Variants in CFAP58 observed in about 807,000 individuals in gnomAD.
CFAP58 encodes cilia and flagella associated protein 58.
In CFAP58, 88 loss-of-function variants were observed where a neutral mutation model predicts 119.5. The observed-to-expected ratio is 0.74, with a 90% CI of 0.62 to 0.88. The LOEUF (loss-of-function observed/expected upper bound fraction) is 0.88. CFAP58 is among the 40% of genes least tolerant of loss of function. The pLI is 0.00. For synonymous variants in CFAP58, 365 were observed against 366.3 expected, an observed-to-expected ratio of 1.00 and a Z score of 0.04; for missense variants, 990 against 1,021.2, an observed-to-expected ratio of 0.97 and a Z score of 0.42.
At chr10:104,451,336 C>T (rs773223678) in intron 17 of CFAP58, among the ~76,000 whole-genome samples, 3 of 152,192 alleles carry the variant, frequency 2.0e-5, no homozygotes, top group East Asian at 1.9e-4. Context: ...AATACTCCCC[C>T]GTTCCACATT....
intron 17 of CFAP58, among the ~76,000 whole-genome samples, chr10:104,451,726 G>A (rs2013197965): frequency 6.6e-6 from 1 of 152,128 alleles, no homozygotes. Context: ...CTTTGATTGT[G>A]CACCCTTATC....
Position 104,380,191 on chromosome 10 carries a change from A to G in CFAP58, c.1336A>G (p.Ile446Val). Residue 446 changes from isoleucine (I) to valine (V), a missense_variant, in exon 9 of 18, where the codon ATC becomes GTC. Ile to Val is a conservative substitution (Grantham distance 29, BLOSUM62 3). Coordinates refer to ENST00000369704, the MANE Select transcript of CFAP58 (RefSeq NM_001008723.2). The part of the protein sequence containing the change: ...FHLEKERDRY[I>V]NQASDLTQKV... ...TCTGGAAAAGGAGCGTGACCGGTAC[A>G]TCAACCAAGCCAGTGACCTTACGCA... 1 of 1,614,020 alleles carries G rather than the reference A, an allele frequency of 6.2e-7. No homozygotes were observed. Among genetic ancestry groups the G allele is most frequent in the Non-Finnish European group, 8.5e-7 (1 of 1,179,956 alleles).
intron 15 of CFAP58, among the ~76,000 whole-genome samples, chr10:104,420,340 G>T (rs2012635149): frequency 6.6e-6 from 1 of 152,122 alleles, no homozygotes; most frequent in Admixed American, 6.5e-5. Flanking sequence ...AGAGATTGGC[G>T]CTGGTAAGCT....
chr10:104,423,401 G>A (rs533530981), intron 15 of CFAP58, among the ~76,000 whole-genome samples: 1 of 152,258 alleles, frequency 6.6e-6, no homozygotes, highest in South Asian at 2.1e-4. Flanking sequence ...GCTGTAAGAG[G>A]TAAGGGAGTG....
At chr10:104,346,241 T>A in the CFAP58 span, among the ~76,000 whole-genome samples, 9 of 152,042 alleles carry the variant, frequency 5.9e-5, no homozygotes, top group Non-Finnish European at 1.0e-4. Flanking sequence ...TCATGAGGGA[T>A]CTACCCCCCA....
intron 11 of CFAP58, among the ~76,000 whole-genome samples, chr10:104,395,945 A>G (rs2012144796): frequency 6.6e-6 from 1 of 152,190 alleles, no homozygotes; most frequent in East Asian, 1.9e-4. Flanking sequence ...CATCCCCTTC[A>G]GCAGACAAAT....
intron 16 of CFAP58, among the ~76,000 whole-genome samples, chr10:104,448,930 G>A (rs529061536): frequency 5.9e-5 from 9 of 152,316 alleles, no homozygotes; most frequent in East Asian, 3.9e-4. Context: ...ACAGAGCTCC[G>A]GGTTGCCTTC....
intron 15 of CFAP58, among the ~76,000 whole-genome samples, chr10:104,445,703 G>T (rs1449710145): frequency 1.3e-5 from 2 of 152,164 alleles, no homozygotes; most frequent in African/African-American, 2.4e-5. Flanking sequence ...GTGATTCTTG[G>T]GGTATATCAT....
chr10:104,390,320 AT>A (rs1252940797), intron 9 of CFAP58, among the ~76,000 whole-genome samples: 3 of 152,198 alleles, frequency 2.0e-5, no homozygotes. Flanking sequence ...TAGAGTGATG[AT>A]TTCTACAAGG....
intron 10 of CFAP58, 132 bp from the exon 11 acceptor site, chr10:104,393,197 T>G: frequency 1.2e-6 from 1 of 805,860 alleles, no homozygotes; most frequent in Non-Finnish European, 2.0e-6. Flanking sequence ...AAAGGAATAG[T>G]CTAGTTGTAA....
At chr10:104,357,903 A>G (rs1205778851) in intron 1 of CFAP58, among the ~76,000 whole-genome samples, 1 of 73,888 alleles carries the variant, frequency 1.4e-5, no homozygotes, top group Non-Finnish European at 2.7e-5. Context: ...ATATATGTAC[A>G]CATATACACA....
At chr10:104,369,728 A>G (rs1325728275) in intron 6 of CFAP58, among the ~76,000 whole-genome samples, 3 of 152,208 alleles carry the variant, frequency 2.0e-5, no homozygotes, top group East Asian at 3.8e-4. Flanking sequence ...CATGAGCCTA[A>G]TGGGATTCAG....
At chr10:104,403,889 C>A in intron 14 of CFAP58, 49 bp downstream of exon 14, 2 of 1,206,384 alleles carry the variant, frequency 1.7e-6, no homozygotes. Flanking sequence ...CTCCTCCTAT[C>A]CCACGCGAAG....
intron 15 of CFAP58, among the ~76,000 whole-genome samples, chr10:104,416,479 A>G (rs1182406675): frequency 6.6e-6 from 1 of 152,142 alleles, no homozygotes; most frequent in African/African-American, 2.4e-5. Flanking sequence ...GACTGACTGG[A>G]TGGAAGTCTG....
At chr10:104,452,754 T>C (rs1227085315) in intron 17 of CFAP58, among the ~76,000 whole-genome samples, 1 of 152,220 alleles carries the variant, frequency 6.6e-6, no homozygotes. Flanking sequence ...GAAAGTTCAA[T>C]TGGGCAGTCC....
At chr10:104,387,828 G>A (rs1164530001) in intron 9 of CFAP58, among the ~76,000 whole-genome samples, 7 of 152,010 alleles carry the variant, frequency 4.6e-5, no homozygotes, top group Non-Finnish European at 7.4e-5. Context: ...CAGTCACCTC[G>A]CAGACATTTT....
chr10:104,351,420 C>T (rs1017962755), upstream of CFAP58, among the ~76,000 whole-genome samples: 1 of 152,154 alleles, frequency 6.6e-6, no homozygotes, highest in Admixed American at 6.5e-5. Flanking sequence ...AATCTTAACA[C>T]AGAAGAATTT....
At chr10:104,435,622 C>A (rs1450092122) in intron 15 of CFAP58, among the ~76,000 whole-genome samples, 1 of 152,198 alleles carries the variant, frequency 6.6e-6, no homozygotes, top group Non-Finnish European at 1.5e-5. Context: ...TTTGCAGATT[C>A]TCCTCCCTTG....
At chr10:104,358,759 TAATG>T in intron 2 of CFAP58, 137 bp downstream of exon 2, 2 of 681,686 alleles carry the variant, frequency 2.9e-6, no homozygotes. Context: ...GCCTAAGGAA[TAATG>T]TTCATTTTCA....
Sources: allele counts gnomAD v4.1 joint callset (sites outside exome capture counted in the v4.1 genomes callset), GRCh38; gene constraint gnomAD v4.1.1; transcripts MANE v1.5; gene names NCBI Gene and HGNC (gene_info 2026-07-23, HGNC 2026-07-21).